Variants in ACOT11 observed in about 807,000 individuals in gnomAD.
The protein encoded by ACOT11 is acyl-coenzyme A thioesterase 11.
Under a neutral mutation model 77.5 loss-of-function variants are expected in ACOT11, and 69 were observed. The ratio of observed to expected loss-of-function variants is 0.89; its 90% CI spans 0.73 to 1.09. ACOT11 has a LOEUF of 1.09. Ranked by LOEUF, ACOT11 falls within the 50% of genes least tolerant of loss-of-function variation. The pLI is 0.00. For synonymous variants in ACOT11, 279 were observed against 313.0 expected, an observed-to-expected ratio of 0.89 and a Z score of 1.15; for missense variants, 766 against 813.7, an observed-to-expected ratio of 0.94 and a Z score of 0.71.
At chr1:54,567,983 C>T (rs1653794190) in intron 1 of ACOT11, among the ~76,000 whole-genome samples, 1 of 152,216 alleles carries the variant, frequency 6.6e-6, no homozygotes, top group Non-Finnish European at 1.5e-5. Context: ...CCAAGCTCCA[C>T]TGGGACATAC....
chr1:54,574,268 C>T (rs915230048), intron 1 of ACOT11, among the ~76,000 whole-genome samples: 3 of 152,172 alleles, frequency 2.0e-5, no homozygotes, highest in South Asian at 2.1e-4. Flanking sequence ...CCAGCCTGGC[C>T]CCTGTCCTGC....
chr1:54,604,016 G>A, intron 11 of ACOT11, 79 bp downstream of exon 11: 1 of 1,366,812 alleles, frequency 7.3e-7, no homozygotes. Context: ...AACGGGTTTG[G>A]AGGAAGGCCG....
rs138729680 is a variant in ACOT11 at position 54,619,013 on chromosome 1, G to A, written c.1629+10945G>A. Reference sequence around the variant, plus strand: ...AATTATTAATAATGACCTCAAAAGAGCCCTGCTTTGGTTGATTTGGTCATT... The same window carrying A: ...AATTATTAATAATGACCTCAAAAGAACCCTGCTTTGGTTGATTTGGTCATT... On this transcript the variant is annotated intron_variant, in intron 15 of 16. Coordinates refer to the ACOT11 transcript ENST00000371316. Among the ~76,000 whole-genome samples the A allele has an allele frequency of 1.7e-3, 260 of 152,216 alleles. 3 individuals carry two copies. The highest frequency in any genetic ancestry group is 6.0e-3 in the African/African-American group (251 of 41,544).
At chr1:54,601,738 T>C (rs1470444161) in intron 9 of ACOT11, among the ~76,000 whole-genome samples, 1 of 152,178 alleles carries the variant, frequency 6.6e-6, no homozygotes, top group African/African-American at 2.4e-5. Context: ...CTCTACTACA[T>C]TCAAGTGATG....
chr1:54,588,407 G>A (rs748891563), intron 3 of ACOT11, among the ~76,000 whole-genome samples: 1 of 152,116 alleles, frequency 6.6e-6, no homozygotes, highest in Admixed American at 6.6e-5. Flanking sequence ...ATAGCTATTA[G>A]TATCCTTATT....
chr1:54,569,960 TC>T (rs916381266), intron 1 of ACOT11, among the ~76,000 whole-genome samples: 5 of 152,206 alleles, frequency 3.3e-5, no homozygotes, highest in African/African-American at 1.2e-4. Context: ...TGGAGACAGC[TC>T]CCAGGTTCCA....
At chr1:54,583,453 T>A (rs1359461984) in intron 1 of ACOT11, among the ~76,000 whole-genome samples, 1 of 152,168 alleles carries the variant, frequency 6.6e-6, no homozygotes, top group Non-Finnish European at 1.5e-5. Context: ...GCCAGCATCC[T>A]GCAGCCGTGG....
At chr1:54,554,361 T>A (rs1189575678) in intron 1 of ACOT11, among the ~76,000 whole-genome samples, 1 of 135,152 alleles carries the variant, frequency 7.4e-6, no homozygotes, top group Non-Finnish European at 1.6e-5. Context: ...ATTTTTTTTT[T>A]TTTTTTTTGA....
chr1:54,633,028 A>G lies in ACOT11; in HGVS notation c.1783-1660A>G, dbSNP rs144654284. On this transcript the variant is annotated intron_variant, in intron 16 of 16. Transcript: ENST00000371316. ...CAGCATACAATGCATGAAATGGGGT[A>G]TGTCCCTGGTATGGGACTAGAAAAA... Among the ~76,000 whole-genome samples the G allele has an allele frequency of 5.7e-3, 875 of 152,316 alleles. 15 individuals are homozygous for G. Among genetic ancestry groups the G allele is most frequent in the African/African-American group, 0.02 (830 of 41,568 alleles).
Position 54,607,884 on chromosome 1 carries a change from G to T in ACOT11, c.1503-58G>T, listed in dbSNP as rs1418890568. The T allele has an allele frequency of 6.2e-7, 1 of 1,606,762 alleles. No individual in the cohort carries two copies. Among genetic ancestry groups the T allele is most frequent in the African/African-American group, 1.3e-5 (1 of 74,690 alleles). Reference sequence around the variant, plus strand: ...GTCTCGGCCTTGGTTGGGCAGAACAGGCCCCCACTTTCTTCTGTGGCTGAC... The same window carrying T: ...GTCTCGGCCTTGGTTGGGCAGAACATGCCCCCACTTTCTTCTGTGGCTGAC... On this transcript the variant is annotated intron_variant, in intron 14 of 15. Coordinates refer to ENST00000343744, the MANE Select transcript of ACOT11 (RefSeq NM_147161.4). The surrounding 1 kb of genome is among the most constrained non-coding windows in gnomAD (Gnocchi z 4.5).
chr1:54,612,721 A>G (rs764459228), downstream of ACOT11: 35 of 1,608,980 alleles, frequency 2.2e-5, no homozygotes, highest in Middle Eastern at 1.8e-4. Flanking sequence ...CTGCAAAAAA[A>G]TCAGAGATGT....
At chr1:54,611,576 C>G (rs768332050), downstream of ACOT11, 1 of 1,611,822 alleles carries the variant, frequency 6.2e-7, no homozygotes, top group Admixed American at 1.7e-5. Context: ...GAATCCAGCC[C>G]ACACCACCCT....
At chr1:54,619,489 G>C (rs1167216078) in intron 15 of ACOT11, among the ~76,000 whole-genome samples, 2 of 152,168 alleles carry the variant, frequency 1.3e-5, no homozygotes, top group East Asian at 1.9e-4. Flanking sequence ...TGTGTAATGT[G>C]CGCCCAGTGA....
intron 1 of ACOT11, among the ~76,000 whole-genome samples, chr1:54,564,663 C>T (rs1008703443): frequency 6.6e-6 from 1 of 152,212 alleles, no homozygotes; most frequent in Non-Finnish European, 1.5e-5. Flanking sequence ...CCCAATTCCT[C>T]TTTTTCTTCT....
chr1:54,606,490 T>C lies in ACOT11; in HGVS notation c.1371-644T>C, dbSNP rs80329935. Among the ~76,000 whole-genome samples, 568 of 152,306 alleles carry C rather than the reference T, an allele frequency of 3.7e-3. 9 individuals are homozygous for C. Among genetic ancestry groups the C allele is most frequent in the East Asian group, 0.024 (124 of 5,184 alleles). On this transcript the variant is annotated intron_variant, in intron 13 of 15. Transcript: ENST00000343744. Reference sequence around the variant, plus strand: ...GTGCACGTGTTGGTATGAACCTGTGTATGCCCATGCATGTATGTGTCAGGT... The same window carrying C: ...GTGCACGTGTTGGTATGAACCTGTGCATGCCCATGCATGTATGTGTCAGGT...
At chr1:54,592,704 G>T in intron 4 of ACOT11, 98 bp downstream of exon 4, 2 of 1,278,020 alleles carry the variant, frequency 1.6e-6, no homozygotes, top group East Asian at 4.8e-5. Context: ...ACTCACACTT[G>T]CAGGGCCCTG....
chr1:54,599,661 C>T (rs1422470730), intron 8 of ACOT11: 5 of 266,436 alleles, frequency 1.9e-5, no homozygotes, highest in Non-Finnish European at 2.8e-5. Context: ...TCCCCCAGCC[C>T]CTGTCTCCCG....
At position 54,629,600 on chromosome 1, in the gene ACOT11, T is replaced by C. The variant is rs1425748401; in HGVS notation, c.1630-1134T>C. 1.5e-5 allele frequency among the ~76,000 whole-genome samples: 2 copies of C among 133,480 alleles called. 1 individual carries two copies. The highest frequency in any genetic ancestry group is 3.4e-5 in the Non-Finnish European group (2 of 58,928). The allele number at this position is 133,480 out of a possible 152,430, so 87.6% of individuals were successfully genotyped here. On this transcript the variant is annotated intron_variant, in intron 15 of 16. Coordinates refer to the ACOT11 transcript ENST00000371316. ...CGTGCCCGGCCTGTTTTTTGATTTT[T>C]TTGAGACAGTGTCTTGCTCTGTCAT...
At chr1:54,556,591 T>A (rs537223329) in intron 1 of ACOT11, among the ~76,000 whole-genome samples, 9 of 152,206 alleles carry the variant, frequency 5.9e-5, no homozygotes, top group Non-Finnish European at 1.0e-4. Flanking sequence ...TGTAGAGTTT[T>A]TTTTTTTTGA....
Sources: gnomAD v4.1 joint callset for allele counts (sites outside exome capture counted in the v4.1 genomes callset) on GRCh38, gnomAD v4.1.1 for gene constraint, Gnocchi (gnomAD v3.1) non-coding constraint, MANE v1.5 for transcripts, NCBI Gene and HGNC (gene_info 2026-07-23, HGNC 2026-07-21) for gene names.